The following ESR1 variants were observed in gnomAD, a reference collection of about 807,000 sequenced individuals.
ESR1 encodes estrogen receptor.
In ESR1, 12 loss-of-function variants were observed where a neutral mutation model predicts 52.7. The observed-to-expected ratio is 0.23, with a 90% CI of 0.15 to 0.37. The LOEUF (loss-of-function observed/expected upper bound fraction) is 0.37. ESR1 is among the 10% of genes least tolerant of loss of function. ESR1 has a pLI of 1.00. For synonymous variants in ESR1, 305 were observed against 316.8 expected, an observed-to-expected ratio of 0.96 and a Z score of 0.39; for missense variants, 584 against 779.7, an observed-to-expected ratio of 0.75 and a Z score of 2.99.
intron 2 of ESR1, among the ~76,000 whole-genome samples, chr6:151,785,002 C>G (rs777317814): frequency 1.7e-4 from 23 of 135,120 alleles, no homozygotes; most frequent in Non-Finnish European, 2.6e-4. Flanking sequence ...TTGGGCAAGG[C>G]CCACCCATGT....
intron 4 of ESR1, among the ~76,000 whole-genome samples, chr6:151,977,510 C>T (rs1416738517): frequency 1.3e-5 from 2 of 151,272 alleles, no homozygotes; most frequent in Non-Finnish European, 2.9e-5. Flanking sequence ...ATAGTGACTG[C>T]AAAGCCAGAA....
chr6:152,049,669 T>C (rs1257283327), intron 5 of ESR1, among the ~76,000 whole-genome samples: 3 of 152,100 alleles, frequency 2.0e-5, no homozygotes, highest in Admixed American at 6.5e-5. Flanking sequence ...TCTTGTAAAG[T>C]TGAGGTTCGC....
chr6:151,907,888 A>G (rs1379027697), intron 3 of ESR1, among the ~76,000 whole-genome samples: 6 of 152,216 alleles, frequency 3.9e-5, no homozygotes, highest in Non-Finnish European at 7.4e-5. Flanking sequence ...GATATATAGA[A>G]ATGTGTTTAT....
At chr6:151,952,366 A>G (rs993476066) in intron 4 of ESR1, among the ~76,000 whole-genome samples, 21 of 152,118 alleles carry the variant, frequency 1.4e-4, no homozygotes, top group Non-Finnish European at 2.1e-4. Flanking sequence ...TCCAATATTA[A>G]CTGCTTAAGT....
chr6:151,917,713 G>A (rs1162479302), intron 3 of ESR1, among the ~76,000 whole-genome samples: 21 of 152,060 alleles, frequency 1.4e-4, no homozygotes, highest in Non-Finnish European at 2.9e-5. Context: ...TGGACTTCTC[G>A]GAAAATTTCA....
chr6:151,745,256 C>A (rs955914938), intron 2 of ESR1, among the ~76,000 whole-genome samples: 2 of 152,146 alleles, frequency 1.3e-5, no homozygotes, highest in African/African-American at 4.8e-5. Context: ...CCATCCCAGC[C>A]ATCCTTGACT....
chr6:151,808,171 G>C lies in ESR1; in HGVS notation c.259G>C (p.Ala87Pro). 1 of 1,585,910 alleles carries C rather than the reference G, an allele frequency of 6.3e-7. No homozygotes were observed. Among genetic ancestry groups the C allele is most frequent in the Non-Finnish European group, 8.6e-7 (1 of 1,166,402 alleles). ...GLPYGPGSEA[A>P]AFGSNGLGGF... ...CCCCTACGGCCCCGGGTCTGAGGCT[G>C]CGGCGTTCGGCTCCAACGGCCTGGG... The change falls in exon 1 of 8, where the codon GCG (alanine) becomes CCG (proline). Residue 87 changes from alanine (A) to proline (P), a missense_variant. Coordinates refer to ENST00000206249, the MANE Select transcript of ESR1 (RefSeq NM_000125.4).
At chr6:151,832,967 A>G (rs1782691113) in intron 1 of ESR1, among the ~76,000 whole-genome samples, 1 of 152,200 alleles carries the variant, frequency 6.6e-6, no homozygotes, top group Non-Finnish European at 1.5e-5. Flanking sequence ...ACGTAGTTAT[A>G]TGATGATGAT....
upstream of ESR1, chr6:151,807,232 G>A (rs546401968): frequency 6.5e-6 from 1 of 154,680 alleles, no homozygotes; most frequent in East Asian, 1.9e-4. Context: ...GCCCTATCTC[G>A]GTTACAGTGT....
intron 2 of ESR1, among the ~76,000 whole-genome samples, chr6:151,735,752 A>G (rs1017051347): frequency 1.3e-5 from 2 of 152,056 alleles, no homozygotes; most frequent in Non-Finnish European, 2.9e-5. Context: ...ATAATATGAT[A>G]TGCTTTGGCT....
intron 2 of ESR1, among the ~76,000 whole-genome samples, chr6:151,876,067 C>T (rs765155469): frequency 2.0e-5 from 3 of 151,912 alleles, no homozygotes; most frequent in Admixed American, 6.6e-5. Flanking sequence ...TGGTGCCCAG[C>T]GCAAAATTGG....
chr6:151,699,522 A>G (rs554343933), intron 1 of ESR1, among the ~76,000 whole-genome samples: 4 of 152,342 alleles, frequency 2.6e-5, no homozygotes, highest in Admixed American at 2.6e-4. Context: ...AGAGGCAGAT[A>G]GCCAGTTAGA....
At position 152,048,153 on chromosome 6, in the gene ESR1, G is replaced by A. The variant is rs574851519; in HGVS notation, c.1236-12838G>A. On this transcript the variant is annotated intron_variant, in intron 5 of 7. Transcript: ENST00000206249. The stretch of plus-strand genomic sequence containing the variant: ...TCGGACGCCGAGGCAGGTGGACCAC[G>A]AGGTCAAGAGATCGAGACCATCCTG... Among the ~76,000 whole-genome samples the A allele has an allele frequency of 8.6e-5, 13 of 151,590 alleles. No individual in the cohort carries two copies. In the South Asian group the frequency reaches 1.0e-3, roughly 12 times the overall value.
intron 3 of ESR1, among the ~76,000 whole-genome samples, chr6:151,907,981 CAA>C (rs892856144): frequency 2.6e-5 from 4 of 152,068 alleles, no homozygotes; most frequent in East Asian, 1.9e-4. Context: ...TGAGCAATAA[CAA>C]AGAGGGTGAA....
chr6:151,922,646 C>A (rs116643454), intron 3 of ESR1, among the ~76,000 whole-genome samples: 3 of 152,034 alleles, frequency 2.0e-5, no homozygotes, highest in Admixed American at 6.6e-5. Context: ...CAAGATAGTT[C>A]AGACTTATCT....
chr6:152,090,006 G>A (rs1324269548), intron 6 of ESR1, among the ~76,000 whole-genome samples: 2 of 152,194 alleles, frequency 1.3e-5, no homozygotes, highest in South Asian at 2.1e-4. Context: ...TCCCTTCCAC[G>A]AAGTGGCAGC....
rs763853580 is a variant in ESR1 at position 151,807,880 on chromosome 6, A to G, written c.-33A>G. The G allele has an allele frequency of 1.0e-5, 16 of 1,593,476 alleles. No homozygotes were observed. The Admixed American group carries it at 1.3e-4, about 13-fold the overall frequency. The stretch of plus-strand genomic sequence containing the variant: ...TTTCTGAGCCTTCTGCCCTGCGGGG[A>G]CACGGTCTGCACCCTGCCCGCGGCC... On this transcript the variant is annotated 5_prime_UTR_variant, in exon 1 of 8. Coordinates refer to ENST00000206249, the MANE Select transcript of ESR1 (RefSeq NM_000125.4).
chr6:151,953,162 C>T (rs558850364), intron 4 of ESR1, among the ~76,000 whole-genome samples: 15 of 152,300 alleles, frequency 9.8e-5, no homozygotes, highest in Admixed American at 2.6e-4. Context: ...TTGAATCTTT[C>T]TGGCTTAGCT....
chr6:152,123,815 G>A (rs985943525), intron 6 of ESR1, among the ~76,000 whole-genome samples: 9 of 152,302 alleles, frequency 5.9e-5, no homozygotes, highest in East Asian at 5.8e-4. Context: ...TAATATGAGC[G>A]TGTGAAAGCT....
Sources: gnomAD v4.1 joint callset for allele counts (sites outside exome capture counted in the v4.1 genomes callset) on GRCh38, gnomAD v4.1.1 for gene constraint, MANE v1.5 for transcripts, NCBI Gene and HGNC (gene_info 2026-07-23, HGNC 2026-07-21) for gene names.